Variants in TANC2 observed in about 807,000 individuals in gnomAD.
The protein encoded by TANC2 is protein TANC2.
Under a neutral mutation model 210.5 loss-of-function variants are expected in TANC2, and 26 were observed. That is an observed-to-expected ratio of 0.12 (90% CI 0.09 to 0.17). The LOEUF (loss-of-function observed/expected upper bound fraction) is 0.17, where lower values mean the gene tolerates loss of function less well. TANC2 is among the 10% of genes least tolerant of loss of function. TANC2 has a pLI of 1.00. For synonymous variants in TANC2, 931 were observed against 967.1 expected (o/e 0.96, Z 0.69); for missense variants, 2,129 against 2,608.9 (o/e 0.82, Z 4.01).
chr17:63,067,766 A>C (rs1420391405), intron 2 of TANC2, among the ~76,000 whole-genome samples: 1 of 152,154 alleles, frequency 6.6e-6, no homozygotes, highest in South Asian at 2.1e-4. Flanking sequence ...AAATCTAAAC[A>C]ATAGAGAGAA....
At chr17:63,351,351 A>G (rs1466023726) in exon 13 of TANC2, 1 of 1,610,936 alleles carries the variant, frequency 6.2e-7, no homozygotes, top group South Asian at 1.1e-5. Flanking sequence ...ATCGTTTCTG[A>G]GTAAAATGAT....
intron 5 of TANC2, chr17:63,182,278 TA>T: frequency 5.1e-6 from 1 of 194,722 alleles, no homozygotes; most frequent in Non-Finnish European, 1.1e-5. Flanking sequence ...GGCATCCAGA[TA>T]AAAATCCTGA....
At chr17:63,236,287 GA>G (rs1226068012) in intron 7 of TANC2, among the ~76,000 whole-genome samples, 1 of 151,982 alleles carries the variant, frequency 6.6e-6, no homozygotes, top group Non-Finnish European at 1.5e-5. Flanking sequence ...CTCTAGGACT[GA>G]TACATGAATT....
At chr17:63,318,169 A>G (rs897797288) in intron 10 of TANC2, among the ~76,000 whole-genome samples, 3 of 152,186 alleles carry the variant, frequency 2.0e-5, no homozygotes, top group African/African-American at 7.2e-5. Flanking sequence ...CTTCTTTTCA[A>G]TCACTATTGG....
At chr17:63,373,708 C>T (rs951115570) in intron 14 of TANC2, among the ~76,000 whole-genome samples, 8 of 152,152 alleles carry the variant, frequency 5.3e-5, no homozygotes, top group African/African-American at 1.9e-4. Flanking sequence ...TTTCTGGGTG[C>T]AGTGACTCAG....
intron 12 of TANC2, among the ~76,000 whole-genome samples, chr17:63,343,446 C>A (rs1322199898): frequency 6.6e-6 from 1 of 152,116 alleles, no homozygotes; most frequent in African/African-American, 2.4e-5. Flanking sequence ...AAAAATAGAC[C>A]AAATTAGAGA....
intron 2 of TANC2, among the ~76,000 whole-genome samples, chr17:63,035,852 C>T (rs2034951222): frequency 1.3e-5 from 2 of 152,114 alleles, no homozygotes. Flanking sequence ...AATGCTCCAC[C>T]CACTTGGTAG....
chr17:63,005,464 CAATTTCTAAA>C (rs2033578537), intron 1 of TANC2, among the ~76,000 whole-genome samples: 1 of 147,142 alleles, frequency 6.8e-6, no homozygotes, highest in African/African-American at 2.6e-5. Flanking sequence ...ATCAGCTTTG[CAATTTCTAAA>C]AAATAACAAA....
intron 2 of TANC2, among the ~76,000 whole-genome samples, chr17:63,042,998 G>C (rs2035247705): frequency 6.6e-6 from 1 of 151,924 alleles, no homozygotes; most frequent in Non-Finnish European, 1.5e-5. Context: ...TTCTATTGAA[G>C]ACCTGTTCAT....
At chr17:63,283,403 T>G (rs976204081) in intron 9 of TANC2, among the ~76,000 whole-genome samples, 1 of 151,972 alleles carries the variant, frequency 6.6e-6, no homozygotes, top group East Asian at 1.9e-4. Flanking sequence ...CACTCCAGTC[T>G]TCTTTTTTAG....
At chr17:63,280,039 A>G (rs771487236) in intron 9 of TANC2, among the ~76,000 whole-genome samples, 1 of 152,090 alleles carries the variant, frequency 6.6e-6, no homozygotes, top group Non-Finnish European at 1.5e-5. Context: ...GTATCACTCA[A>G]TTCTCATATG....
At chr17:63,183,479 CAG>C (rs2040863094) in intron 5 of TANC2, among the ~76,000 whole-genome samples, 1 of 152,116 alleles carries the variant, frequency 6.6e-6, no homozygotes, top group Admixed American at 6.5e-5. Context: ...TTAGTTTTGA[CAG>C]TGGTTTAAAT....
At chr17:63,263,577 A>G (rs1423097907) in intron 8 of TANC2, among the ~76,000 whole-genome samples, 2 of 152,132 alleles carry the variant, frequency 1.3e-5, no homozygotes, top group African/African-American at 4.8e-5. Context: ...TGTTGTATTT[A>G]TTCTTGAAAT....
chr17:63,211,822 AG>A (rs1449458231), intron 7 of TANC2, among the ~76,000 whole-genome samples: 1 of 152,206 alleles, frequency 6.6e-6, no homozygotes, highest in Non-Finnish European at 1.5e-5. Flanking sequence ...AAAGAAGGAA[AG>A]CTTAATGATG....
At chr17:62,977,676 T>G (rs1050011634) in intron 1 of TANC2, among the ~76,000 whole-genome samples, 11 of 152,154 alleles carry the variant, frequency 7.2e-5, no homozygotes, top group African/African-American at 2.6e-4. Flanking sequence ...CCCCATCCCC[T>G]AACATTCTAC....
intron 7 of TANC2, among the ~76,000 whole-genome samples, chr17:63,209,255 C>T (rs1034727051): frequency 2.6e-5 from 4 of 151,900 alleles, no homozygotes; most frequent in East Asian, 1.9e-4. Context: ...TCAAGCAGTC[C>T]GCCCGCCTCA....
chr17:63,175,448 G>A (rs968729923), intron 5 of TANC2, among the ~76,000 whole-genome samples: 7 of 150,706 alleles, frequency 4.6e-5, no homozygotes, highest in Non-Finnish European at 4.4e-5. Context: ...GATTGCTGGA[G>A]CCCAGTAGTT....
At chr17:63,068,956 T>C (rs984501189) in intron 2 of TANC2, among the ~76,000 whole-genome samples, 2 of 152,108 alleles carry the variant, frequency 1.3e-5, no homozygotes, top group African/African-American at 4.8e-5. Context: ...CATATTAAGA[T>C]ATAGCGGTTA....
chr17:63,391,226 A>C (rs2047963591), intron 17 of TANC2: 1 of 152,226 alleles, frequency 6.6e-6, no homozygotes, highest in Non-Finnish European at 1.5e-5. Context: ...CAGAAGCAAC[A>C]TCCCATCTCT....
Sources: gnomAD v4.1 joint callset for allele counts (sites outside exome capture counted in the v4.1 genomes callset) on GRCh38, gnomAD v4.1.1 for gene constraint, MANE v1.5 for transcripts, NCBI Gene and HGNC (gene_info 2026-07-23, HGNC 2026-07-21) for gene names.